The following ORC5 variants were observed in gnomAD, a reference collection of about 807,000 sequenced individuals.
The protein encoded by ORC5 is origin recognition complex subunit 5.
A neutral mutation model predicts 58.8 loss-of-function variants in ORC5; 39 were observed. That is an observed-to-expected ratio of 0.66 (90% CI 0.51 to 0.87). ORC5 has a LOEUF of 0.87. Among genes scored for constraint, ORC5 ranks in the 40% least tolerant of loss-of-function variants. The probability of loss-of-function intolerance (pLI) is 0.00; values close to 1 mark genes in which losing one functional copy is unlikely to be tolerated. For synonymous variants in ORC5, 218 were observed against 177.6 expected, an observed-to-expected ratio of 1.23 and a Z score of -1.81; for missense variants, 493 against 506.3, an observed-to-expected ratio of 0.97 and a Z score of 0.25.
chr7:104,139,739 AAAG>A (rs1198864466), intron 12 of ORC5, among the ~76,000 whole-genome samples: 1 of 152,048 alleles, frequency 6.6e-6, no homozygotes, highest in African/African-American at 2.4e-5. Context: ...TGTGCGTTGA[AAAG>A]AATATGTATT....
rs563399583 is a variant in ORC5 at position 104,144,516 on chromosome 7, G to A, written c.1150-7623C>T. On this transcript the variant is annotated intron_variant, in intron 12 of 13. Transcript: ENST00000297431. Reference sequence around the variant, plus strand: ...CACACCTGTAATCCCAGCACATTGGGAGGCCGAGGCAGGCAGATTACCTGA... The same window carrying A: ...CACACCTGTAATCCCAGCACATTGGAAGGCCGAGGCAGGCAGATTACCTGA... Among the ~76,000 whole-genome samples the A allele has an allele frequency of 1.2e-4, 19 of 152,320 alleles. No homozygotes were observed. In the South Asian group the frequency reaches 3.9e-3, roughly 32 times the overall value.
At chr7:104,173,642 C>T (rs1799257745) in intron 8 of ORC5, among the ~76,000 whole-genome samples, 1 of 152,284 alleles carries the variant, frequency 6.6e-6, no homozygotes, top group South Asian at 2.1e-4. Flanking sequence ...AAGGGCCTTG[C>T]AATCCTCTTG....
intron 12 of ORC5, among the ~76,000 whole-genome samples, chr7:104,140,500 A>T (rs1041712723): frequency 1.3e-5 from 2 of 152,112 alleles, no homozygotes; most frequent in South Asian, 2.1e-4. Context: ...TCCAACTTAC[A>T]GAGTTTTTCC....
chr7:104,146,233 CTT>C (rs1469313501), intron 12 of ORC5, among the ~76,000 whole-genome samples: 1 of 152,188 alleles, frequency 6.6e-6, no homozygotes, highest in Non-Finnish European at 1.5e-5. Context: ...GGTTTCCACA[CTT>C]CACTTGAAGT....
intron 8 of ORC5, among the ~76,000 whole-genome samples, chr7:104,181,578 G>A (rs1799431234): frequency 6.6e-6 from 1 of 151,974 alleles, no homozygotes; most frequent in Admixed American, 6.6e-5. Context: ...GAGGTCAGGA[G>A]ATCAAGACCA....
chr7:104,163,914 T>C (rs534709563), intron 11 of ORC5, among the ~76,000 whole-genome samples: 29 of 152,338 alleles, frequency 1.9e-4, no homozygotes, highest in African/African-American at 7.0e-4. Context: ...TTCTACATTA[T>C]CTCCAGCACT....
chr7:104,165,443 C>A, intron 10 of ORC5, 161 bp from the exon 11 acceptor site: 1 of 479,330 alleles, frequency 2.1e-6, no homozygotes, highest in South Asian at 3.1e-5. Context: ...TAGACTTCAA[C>A]ATATTTTAGG....
rs757129649 is a variant in ORC5 at position 104,204,269 on chromosome 7, T to C, written c.73-35A>G. ...GAAAAGACAAATATGAGGCTGCACATACAAAATAGAAAATAAACACTTATC... is the reference window on the plus strand; with the variant it reads ...GAAAAGACAAATATGAGGCTGCACACACAAAATAGAAAATAAACACTTATC... On this transcript the variant is annotated intron_variant, in intron 1 of 13. Transcript: ENST00000297431. 5 of 1,180,640 alleles carry C rather than the reference T, an allele frequency of 4.2e-6. No individual in the cohort carries two copies. In the South Asian group the frequency reaches 5.5e-5, roughly 13 times the overall value. 73.1% of individuals were successfully genotyped at this position (1,180,640 alleles called of 1,614,324 possible).
chr7:104,166,481 C>A (rs183014406), intron 10 of ORC5, among the ~76,000 whole-genome samples: 59 of 152,074 alleles, frequency 3.9e-4, no homozygotes, highest in Non-Finnish European at 7.8e-4. Flanking sequence ...AAAGAGTTAC[C>A]GCTCTTAAAA....
chr7:104,137,845 C>A (rs1390173845), intron 12 of ORC5, among the ~76,000 whole-genome samples: 1 of 152,118 alleles, frequency 6.6e-6, no homozygotes, highest in Admixed American at 6.5e-5. Context: ...TTTTCCAAGC[C>A]CACATTTGAT....
At chr7:104,177,360 C>A (rs914758254) in intron 8 of ORC5, among the ~76,000 whole-genome samples, 1 of 152,128 alleles carries the variant, frequency 6.6e-6, no homozygotes, top group African/African-American at 2.4e-5. Context: ...TATCACTACA[C>A]ATAAAAGTTA....
chr7:104,181,458 T>C (rs547415776), intron 8 of ORC5, among the ~76,000 whole-genome samples: 82 of 152,276 alleles, frequency 5.4e-4, no homozygotes, highest in Non-Finnish European at 8.7e-4. Context: ...ACTGGTTATA[T>C]TACCAAGACT....
At chr7:104,156,684 CA>C (rs2115832614) in intron 12 of ORC5, among the ~76,000 whole-genome samples, 1 of 151,806 alleles carries the variant, frequency 6.6e-6, no homozygotes, top group South Asian at 2.1e-4. Context: ...ATTCTTAAAA[CA>C]GGTGAATACA....
At chr7:104,157,882 A>C (rs1399447374) in intron 12 of ORC5, among the ~76,000 whole-genome samples, 1 of 152,084 alleles carries the variant, frequency 6.6e-6, no homozygotes, top group East Asian at 1.9e-4. Flanking sequence ...AATTCCAACC[A>C]AACCAGGGTG....
At position 104,136,989 on chromosome 7, in the gene ORC5, G is replaced by A; in HGVS notation, c.1150-96C>T. On this transcript the variant is annotated intron_variant, in intron 12 of 13. Coordinates refer to ENST00000297431, the MANE Select transcript of ORC5 (RefSeq NM_002553.4). This position sits in a 1 kb window ranked among gnomAD's most constrained non-coding sequence, Gnocchi z 4.2. The stretch of plus-strand genomic sequence containing the variant: ...TATAGTCTGATAAAGATACATAACT[G>A]AATCACAAAAAACGTCTGCAAAGAA... 1 of 790,388 alleles carries A rather than the reference G, an allele frequency of 1.3e-6. No homozygotes were observed. The highest frequency in any genetic ancestry group is 2.1e-6 in the Non-Finnish European group (1 of 486,938). The allele number at this position is 790,388 out of a possible 1,614,324, so 49.0% of individuals were successfully genotyped here.
In ORC5 at chr7:104,195,227, G is replaced by T; in HGVS notation, c.469C>A (p.Leu157Ile). 1 of 1,563,180 alleles carries T rather than the reference G, an allele frequency of 6.4e-7. No homozygotes were observed. Among genetic ancestry groups the T allele is most frequent in the Non-Finnish European group, 8.6e-7 (1 of 1,160,662 alleles). The change falls in exon 5 of 14, where the codon CTC (leucine) becomes ATC (isoleucine). Residue 157 changes from leucine (L) to isoleucine (I), a missense_variant. Around this residue, in one of 3 missense-constraint regions of ORC5, gnomAD observed 412 missense variants for 403.7 expected, o/e 1.02. Transcript: ENST00000297431. ...AACTTTTCCCAAACAATTTCACTGA[G>T]AAAGAGAACAGTCACATTTCTGTCA... ...LADRNVTVLFLSEIVWEKFRP... is the reference protein window; with the variant it reads ...LADRNVTVLFISEIVWEKFRP...
intron 13 of ORC5, among the ~76,000 whole-genome samples, chr7:104,134,013 C>A (rs537822203): frequency 6.6e-6 from 1 of 152,116 alleles, no homozygotes; most frequent in Non-Finnish European, 1.5e-5. Flanking sequence ...AAGATGGACA[C>A]TAACACAGGT....
At chr7:104,155,228 A>C (rs1366909500) in intron 12 of ORC5, among the ~76,000 whole-genome samples, 3 of 151,786 alleles carry the variant, frequency 2.0e-5, no homozygotes, top group Non-Finnish European at 4.4e-5. Context: ...GTTCATAAGC[A>C]GAGAAGGTAC....
rs370756867 is a variant in ORC5 at position 104,136,928 on chromosome 7, A to G, written c.1150-35T>C. 24 of 1,389,594 alleles carry G rather than the reference A, an allele frequency of 1.7e-5. No individual in the cohort carries two copies. Among genetic ancestry groups the G allele is most frequent in the Non-Finnish European group, 2.2e-5 (21 of 976,514 alleles). 86.1% of individuals were successfully genotyped at this position (1,389,594 alleles called of 1,614,324 possible). On this transcript the variant is annotated intron_variant, in intron 12 of 13. Transcript: ENST00000297431. This position sits in a 1 kb window ranked among gnomAD's most constrained non-coding sequence, Gnocchi z 4.2. ...AACATTTTTATAAGAAACTGTTTTAATAAGATTATGTAATACTTTTGTTTC... is the reference window on the plus strand; with the variant it reads ...AACATTTTTATAAGAAACTGTTTTAGTAAGATTATGTAATACTTTTGTTTC...
Sources: gnomAD v4.1 joint callset for allele counts (sites outside exome capture counted in the v4.1 genomes callset) on GRCh38, gnomAD v4.1.1 for gene constraint, gnomAD v4.1.1 regional missense constraint, Gnocchi (gnomAD v3.1) non-coding constraint, MANE v1.5 for transcripts, NCBI Gene and HGNC (gene_info 2026-07-23, HGNC 2026-07-21) for gene names.